Variants in SSH2 observed in about 807,000 individuals in gnomAD.
SSH2 encodes the protein protein phosphatase Slingshot homolog 2.
In SSH2, 37 loss-of-function variants were observed where a neutral mutation model predicts 135.2. The ratio of observed to expected loss-of-function variants is 0.27; its 90% CI spans 0.21 to 0.36. SSH2 has a LOEUF of 0.36. SSH2 is among the 10% of genes least tolerant of loss of function. The pLI is 1.00. For missense variants in SSH2, 1,408 were observed against 1,765.3 expected, an observed-to-expected ratio of 0.80 and a Z score of 3.63; for synonymous variants, 628 against 646.2, an observed-to-expected ratio of 0.97 and a Z score of 0.43.
At chr17:29,703,871 G>A (rs369951841) in intron 3 of SSH2, among the ~76,000 whole-genome samples, 23 of 152,294 alleles carry the variant, frequency 1.5e-4, no homozygotes, top group African/African-American at 4.8e-4. Flanking sequence ...GAGCCACTGC[G>A]CCCAGCCAAA....
chr17:29,913,343 A>ATATAT (rs2066804382), intron 1 of SSH2, among the ~76,000 whole-genome samples: 1 of 43,418 alleles, frequency 2.3e-5, no homozygotes, highest in Non-Finnish European at 4.8e-5. Context: ...AAAAAAAAAA[A>ATATAT]AAAAATATAT....
chr17:29,657,224 C>T (rs1289679026), intron 11 of SSH2, among the ~76,000 whole-genome samples: 1 of 152,088 alleles, frequency 6.6e-6, no homozygotes, highest in East Asian at 1.9e-4. Flanking sequence ...GCCTCGGCCT[C>T]CCAAAGTGCG....
intron 1 of SSH2, among the ~76,000 whole-genome samples, chr17:29,888,046 G>A (rs2066274102): frequency 6.6e-6 from 1 of 152,140 alleles, no homozygotes; most frequent in African/African-American, 2.4e-5. Context: ...AGACCAGCCT[G>A]GGCAATGTAG....
intron 13 of SSH2, 87 bp downstream of exon 13, chr17:29,650,567 T>C: frequency 7.9e-7 from 1 of 1,269,624 alleles, no homozygotes; most frequent in Non-Finnish European, 1.1e-6. Context: ...GTACCATCAG[T>C]AAGTTGTCTA....
intron 3 of SSH2, among the ~76,000 whole-genome samples, chr17:29,724,146 C>T (rs1046824716): frequency 2.6e-5 from 4 of 152,200 alleles, no homozygotes; most frequent in Admixed American, 2.6e-4. Context: ...CAGATTTTAA[C>T]TCAAAGGTGT....
At chr17:29,780,250 C>T (rs1448216789) in intron 3 of SSH2, among the ~76,000 whole-genome samples, 2 of 151,962 alleles carry the variant, frequency 1.3e-5, no homozygotes, top group Non-Finnish European at 2.9e-5. Context: ...CCCTCTGTTT[C>T]TCTTTCTAAT....
chr17:29,692,663 T>A (rs1277950452), intron 5 of SSH2, among the ~76,000 whole-genome samples: 1 of 152,188 alleles, frequency 6.6e-6, no homozygotes. Flanking sequence ...TGATGTTAGA[T>A]CTCTTTAAAG....
intron 3 of SSH2, among the ~76,000 whole-genome samples, chr17:29,763,288 C>T (rs2041366133): frequency 6.6e-6 from 1 of 152,078 alleles, no homozygotes; most frequent in Non-Finnish European, 1.5e-5. Context: ...AACGGAAGGT[C>T]TGGATCTTGG....
intron 3 of SSH2, among the ~76,000 whole-genome samples, chr17:29,738,800 C>T (rs1369640396): frequency 2.0e-5 from 3 of 151,876 alleles, no homozygotes; most frequent in Admixed American, 6.6e-5. Context: ...GTGATCCGCC[C>T]GCCCCGGCCT....
intron 1 of SSH2, among the ~76,000 whole-genome samples, chr17:29,868,726 A>C (rs1362889871): frequency 2.8e-5 from 4 of 143,576 alleles, no homozygotes; most frequent in African/African-American, 5.1e-5. Flanking sequence ...CGACAGAGCA[A>C]GACTCCACCT....
chr17:29,694,001 G>A (rs2038608905), intron 5 of SSH2, among the ~76,000 whole-genome samples: 1 of 152,198 alleles, frequency 6.6e-6, no homozygotes, highest in South Asian at 2.1e-4. Context: ...AGAGCAGGCA[G>A]CAAGCTTGTG....
chr17:29,656,682 C>A (rs1003958230), intron 11 of SSH2, among the ~76,000 whole-genome samples: 1 of 152,034 alleles, frequency 6.6e-6, no homozygotes, highest in Non-Finnish European at 1.5e-5. Context: ...TAATATTTTG[C>A]CATATTTGCT....
Position 29,672,030 on chromosome 17 carries a change from G to A in SSH2, c.714C>T (p.Ser238=). 6.2e-7 allele frequency: 1 copy of A among 1,613,896 alleles called. No individual in the cohort carries two copies. Among genetic ancestry groups the A allele is most frequent in the Non-Finnish European group, 8.5e-7 (1 of 1,179,806 alleles). ...LFLTWVSYYE[S]HINSDQSSVN... Reference sequence around the variant, plus strand: ...CTGAGGATTGATCTGAGTTGATATGGCTCTCATAATAACTCACCCAAGTGA... The same window carrying A: ...CTGAGGATTGATCTGAGTTGATATGACTCTCATAATAACTCACCCAAGTGA... Residue 238 remains serine, a synonymous_variant, in exon 9 of 16, where the codon AGC becomes AGT. Transcript: ENST00000540801.
chr17:29,801,738 C>G (rs1262367477), intron 2 of SSH2, among the ~76,000 whole-genome samples: 2 of 152,204 alleles, frequency 1.3e-5, no homozygotes, highest in African/African-American at 2.4e-5. Context: ...GCATCTCACT[C>G]TGTGTTTAGC....
At chr17:29,860,181 C>T (rs553246883) in intron 1 of SSH2, among the ~76,000 whole-genome samples, 1 of 152,148 alleles carries the variant, frequency 6.6e-6, no homozygotes, top group South Asian at 2.1e-4. Context: ...GGAATTGCCA[C>T]ACTGCTTTCC....
chr17:29,635,452 T>G (rs561540781), intron 15 of SSH2, among the ~76,000 whole-genome samples: 48 of 152,206 alleles, frequency 3.2e-4, no homozygotes, highest in African/African-American at 9.9e-4. Flanking sequence ...TCGCCCAGGC[T>G]GGAGTGCAGT....
At chr17:29,647,091 T>C (rs2036401678) in intron 14 of SSH2, among the ~76,000 whole-genome samples, 1 of 151,076 alleles carries the variant, frequency 6.6e-6, no homozygotes, top group South Asian at 2.1e-4. Context: ...TGAAACCCCA[T>C]CTCTACTAAA....
chr17:29,789,293 G>T (rs747714201), intron 3 of SSH2, among the ~76,000 whole-genome samples: 1 of 152,240 alleles, frequency 6.6e-6, no homozygotes, highest in Non-Finnish European at 1.5e-5. Flanking sequence ...AAATGAGAAA[G>T]CATGTTTGGA....
intron 3 of SSH2, among the ~76,000 whole-genome samples, chr17:29,717,879 G>A (rs2039680758): frequency 6.6e-6 from 1 of 152,146 alleles, no homozygotes; most frequent in Non-Finnish European, 1.5e-5. Context: ...AAAAAAGGTA[G>A]TGGGAGCAGC....
Sources: gnomAD v4.1 joint callset for allele counts (sites outside exome capture counted in the v4.1 genomes callset) on GRCh38, gnomAD v4.1.1 for gene constraint, MANE v1.5 for transcripts, NCBI Gene and HGNC (gene_info 2026-07-23, HGNC 2026-07-21) for gene names.